The following CSNK2A1 variants were observed in gnomAD, a reference collection of about 807,000 sequenced individuals.
CSNK2A1 encodes casein kinase II subunit alpha.
CSNK2A1 carries 10 observed loss-of-function variants against 62.9 expected under a neutral mutation model. The ratio of observed to expected loss-of-function variants is 0.16; its 90% CI spans 0.10 to 0.27. The LOEUF (loss-of-function observed/expected upper bound fraction) is 0.27, where lower values mean the gene tolerates loss of function less well. Ranked by LOEUF, CSNK2A1 falls within the 10% of genes least tolerant of loss-of-function variation. The pLI is 1.00. For synonymous variants in CSNK2A1, 124 were observed against 167.8 expected, an observed-to-expected ratio of 0.74 and a Z score of 2.02; for missense variants, 160 against 492.0, an observed-to-expected ratio of 0.33 and a Z score of 6.38.
intron 2 of CSNK2A1, among the ~76,000 whole-genome samples, chr20:523,523 T>G (rs2018992836): frequency 9.9e-5 from 15 of 152,262 alleles, no homozygotes; most frequent in Admixed American, 9.2e-4. Context: ...AGAGGCAGTA[T>G]GCTGAATGAA....
chr20:518,330 C>T (rs950179888), intron 2 of CSNK2A1, among the ~76,000 whole-genome samples: 1 of 152,080 alleles, frequency 6.6e-6, no homozygotes, highest in Non-Finnish European at 1.5e-5. Flanking sequence ...TAAGGTGGGA[C>T]TTCAGAGGCA....
rs2018650008 is a variant in CSNK2A1, at chr20:508,455, A to G, written c.97T>C (p.Trp33Arg). 1 of 1,613,966 alleles carries G rather than the reference A, an allele frequency of 6.2e-7. No individual in the cohort carries two copies. Among genetic ancestry groups the G allele is most frequent in the Non-Finnish European group, 8.5e-7 (1 of 1,179,988 alleles). Residue 33 changes from tryptophan to arginine, a missense_variant, in exon 3 of 14, where the codon TGG becomes CGG. Transcript: ENST00000217244. ...GAAGTCAACAAAAACAATTACCCCC[A>G]TTCCACCACATGTGACTCGTAATCC... ...YWDYESHVVE[W>R]GNQDDYQLVR...
chr20:485,115 T>C lies in CSNK2A1; in HGVS notation c.1061-1039A>G, dbSNP rs927343451. 1.3e-3 allele frequency among the ~76,000 whole-genome samples: 65 copies of C among 49,006 alleles called. 1 individual carries two copies. The highest frequency in any genetic ancestry group is 1.9e-3 in the Non-Finnish European group (54 of 28,466). The allele number at this position is 49,006 out of a possible 152,430, so 32.1% of individuals were successfully genotyped here. A position where few individuals can be genotyped will look rare whatever the true frequency, so the allele number is the denominator to read the frequency against. On this transcript the variant is annotated intron_variant, in intron 13 of 13. Transcript: ENST00000217244. ...AAAAAAAAAAAAAAAAAAAAATATA[T>C]ATATATATATATATATATATATGAG...
At chr20:521,749 T>A (rs952079109) in intron 2 of CSNK2A1, among the ~76,000 whole-genome samples, 1 of 152,184 alleles carries the variant, frequency 6.6e-6, no homozygotes. Flanking sequence ...ACAAAATGGA[T>A]GAATCGTTTT....
chr20:543,553 G>C (rs949896519), intron 1 of CSNK2A1, 119 bp downstream of exon 1: 21 of 396,268 alleles, frequency 5.3e-5, no homozygotes, highest in Non-Finnish European at 7.5e-5. Context: ...GGTGGGGGCA[G>C]GGGAAGGCGA....
At chr20:490,058 G>T (rs1452610789) in intron 9 of CSNK2A1, among the ~76,000 whole-genome samples, 177 bp from the exon 10 acceptor site, 23 of 146,952 alleles carry the variant, frequency 1.6e-4, no homozygotes, top group African/African-American at 5.8e-4. Flanking sequence ...TGGAGACAGA[G>T]TCTCACTCTG....
At chr20:487,250 G>T in intron 12 of CSNK2A1, 177 bp downstream of exon 12, 1 of 809,954 alleles carries the variant, frequency 1.2e-6, no homozygotes, top group Non-Finnish European at 1.9e-6. Context: ...TTCTGTTACA[G>T]AAGAATTCTT....
At chr20:503,926 C>T (rs1412781180) in intron 4 of CSNK2A1, among the ~76,000 whole-genome samples, 4 of 152,136 alleles carry the variant, frequency 2.6e-5, no homozygotes, top group Non-Finnish European at 5.9e-5. Context: ...GCCTGTAATC[C>T]CAGCACTTTG....
intron 4 of CSNK2A1, chr20:503,707 T>C: frequency 2.5e-6 from 1 of 398,548 alleles, no homozygotes; most frequent in Non-Finnish European, 4.4e-6. Flanking sequence ...TGCACAAAAA[T>C]CAATGACAGG....
chr20:536,088 C>T (rs1260954000), intron 1 of CSNK2A1, among the ~76,000 whole-genome samples: 10 of 152,142 alleles, frequency 6.6e-5, no homozygotes, highest in Admixed American at 6.5e-4. Flanking sequence ...CTCACCAGGA[C>T]TAGGTAATAG....
chr20:508,176 G>A (rs1371218895), intron 3 of CSNK2A1: 2 of 279,850 alleles, frequency 7.1e-6, no homozygotes, highest in African/African-American at 2.2e-5. Context: ...TTCAAACTTT[G>A]TTATGTGGTG....
At chr20:538,242 C>T (rs1178442992) in intron 1 of CSNK2A1, among the ~76,000 whole-genome samples, 1 of 152,106 alleles carries the variant, frequency 6.6e-6, no homozygotes, top group Non-Finnish European at 1.5e-5. Flanking sequence ...CCACCATGCC[C>T]GGCCAACAGT....
rs750583333 is a variant in CSNK2A1 at position 480,466 on chromosome 20, T to G, written c.*3495A>C. On this transcript the variant is annotated 3_prime_UTR_variant, in exon 14 of 14. Transcript: ENST00000217244. Reference sequence around the variant, plus strand: ...GTTTTAATGAGGATTGCATAAGACATGCAAGGTCACCAGGGAGTTTACATG... The same window carrying G: ...GTTTTAATGAGGATTGCATAAGACAGGCAAGGTCACCAGGGAGTTTACATG... 14 of 150,276 alleles carry G rather than the reference T, an allele frequency of 9.3e-5. No individual in the cohort carries two copies. The highest frequency in any genetic ancestry group is 1.6e-4 in the Non-Finnish European group (11 of 67,744). The allele number at this position is 150,276 out of a possible 1,614,324, so 9.3% of individuals were successfully genotyped here. A position where few individuals can be genotyped will look rare whatever the true frequency, so the allele number is the denominator to read the frequency against.
At chr20:504,765 A>T in intron 4 of CSNK2A1, 1 of 221,058 alleles carries the variant, frequency 4.5e-6, no homozygotes, top group Non-Finnish European at 8.8e-6. Flanking sequence ...GTGACTCCTC[A>T]TCTTTACAAA....
chr20:482,780 A>G lies in CSNK2A1; in HGVS notation c.*1181T>C, dbSNP rs2017979175. Reference sequence around the variant, plus strand: ...ATGAAGGACAAAGTATTATATATATACACACAGCAAGGGGTGGCGGGGCTG... The same window carrying G: ...ATGAAGGACAAAGTATTATATATATGCACACAGCAAGGGGTGGCGGGGCTG... On this transcript the variant is annotated 3_prime_UTR_variant, in exon 14 of 14. Transcript: ENST00000217244. 4 of 152,784 alleles carry G rather than the reference A, an allele frequency of 2.6e-5. No homozygotes were observed. In the Middle Eastern group the frequency reaches 0.01, roughly 390 times the overall value. 9.5% of individuals were successfully genotyped at this position (152,784 alleles called of 1,614,324 possible).
Position 482,574 on chromosome 20 carries a change from G to A in CSNK2A1, c.*1387C>T, listed in dbSNP as rs1173221944. 2 of 152,308 alleles carry A rather than the reference G, an allele frequency of 1.3e-5. No homozygotes were observed. Among genetic ancestry groups the A allele is most frequent in the African/African-American group, 4.8e-5 (2 of 41,382 alleles). The allele number at this position is 152,308 out of a possible 1,614,324, so 9.4% of individuals were successfully genotyped here. A position where few individuals can be genotyped will look rare whatever the true frequency, so the allele number is the denominator to read the frequency against. ...CTCTGCCCGGTACCATGGGTCGAAC[G>A]AGGGGTGTATAAAATGGGGGCCTTG... On this transcript the variant is annotated 3_prime_UTR_variant, in exon 14 of 14. Transcript: ENST00000217244.
At position 487,111 on chromosome 20, in the gene CSNK2A1, A is replaced by T. The variant is rs1452504255; in HGVS notation, c.973+316T>A. The stretch of plus-strand genomic sequence containing the variant: ...TAAGCCTCATTAGCTCTTTCCAACG[A>T]ATGATTACTAGGGACAGGAAAGATA... On this transcript the variant is annotated intron_variant, in intron 12 of 13. Coordinates refer to ENST00000217244, the MANE Select transcript of CSNK2A1 (RefSeq NM_177559.3). The T allele has an allele frequency of 1.9e-5, 6 of 308,704 alleles. No homozygotes were observed. In the Admixed American group the frequency reaches 2.7e-4, roughly 14 times the overall value. 19.1% of individuals were successfully genotyped at this position (308,704 alleles called of 1,614,324 possible). A position where few individuals can be genotyped will look rare whatever the true frequency, so the allele number is the denominator to read the frequency against.
chr20:515,324 G>C (rs2018804948), intron 2 of CSNK2A1, among the ~76,000 whole-genome samples: 2 of 152,214 alleles, frequency 1.3e-5, no homozygotes, highest in Admixed American at 6.5e-5. Flanking sequence ...GAGTGCACAA[G>C]ATAGGTTTTG....
In CSNK2A1 at chr20:486,419, C is replaced by T. The variant is rs201538093; in HGVS notation, c.1017G>A (p.Met339Ile). The T allele has an allele frequency of 1.7e-5, 28 of 1,613,582 alleles. No homozygotes were observed. The East Asian group carries it at 4.9e-4, about 28-fold the overall frequency. Residue 339 changes from methionine (M) to isoleucine (I), a missense_variant, in exon 13 of 14, where the codon ATG becomes ATA. Around this residue, in one of 3 missense-constraint regions of CSNK2A1, gnomAD observed 51 missense variants for 108.8 expected, o/e 0.47. Transcript: ENST00000217244. ...KDQARMGSSS[M>I]PGGSTPVSSA... ...TGCTGACGGGCGTACTGCCCCCTGG[C>T]ATGCTAGATGAACCCATTCGAGCCT...
Sources: gnomAD v4.1 joint callset for allele counts (sites outside exome capture counted in the v4.1 genomes callset) on GRCh38, gnomAD v4.1.1 for gene constraint, gnomAD v4.1.1 regional missense constraint, MANE v1.5 for transcripts, NCBI Gene and HGNC (gene_info 2026-07-23, HGNC 2026-07-21) for gene names.